The following TRAPPC11 variants were observed in gnomAD, a reference collection of about 807,000 sequenced individuals.
TRAPPC11 encodes trafficking protein particle complex subunit 11.
In TRAPPC11, 104 loss-of-function variants were observed where a neutral mutation model predicts 151.2. The observed-to-expected ratio is 0.69, with a 90% CI of 0.59 to 0.81. The LOEUF (loss-of-function observed/expected upper bound fraction) is 0.81, where lower values mean the gene tolerates loss of function less well. TRAPPC11 is among the 30% of genes least tolerant of loss of function. The pLI, the probability that TRAPPC11 is intolerant of heterozygous loss-of-function variation, is 0.00. For missense variants in TRAPPC11, 1,230 were observed against 1,349.6 expected (o/e 0.91, Z 1.39); for synonymous variants, 456 against 472.3 (o/e 0.97, Z 0.45).
At chr4:183,709,537 AG>A (rs1737237860) in intron 29 of TRAPPC11, among the ~76,000 whole-genome samples, 1 of 152,308 alleles carries the variant, frequency 6.6e-6, no homozygotes, top group East Asian at 1.9e-4. Flanking sequence ...GCACTTTGGG[AG>A]GCCGAGGCGG....
Position 183,684,198 on chromosome 4 carries a change from G to A in TRAPPC11, c.1341G>A (p.Lys447=), listed in dbSNP as rs202220969. The part of the protein sequence containing the change: ...SNAVAQFKKY[K]CPRMKSHLMV... ...CTGTTGCACAGTTCAAGAAGTATAA[G>A]TGCCCGCGAATGAAAAGTCACCTAA... The change falls in exon 13 of 30, where the codon AAG becomes AAA. Residue 447 remains lysine, a synonymous_variant. Coordinates refer to ENST00000334690, the MANE Select transcript of TRAPPC11 (RefSeq NM_021942.6). 6.3e-5 allele frequency: 102 copies of A among 1,614,042 alleles called. No homozygotes were observed. In the Middle Eastern group the frequency reaches 2.3e-3, roughly 37 times the overall value.
chr4:183,668,072 T>C lies in TRAPPC11; in HGVS notation c.515T>C (p.Leu172Ser). ...CNACELSGKS[L>S]FVLPHTDHLV... ...GCATGTGAACTCTCAGGAAAGTCTT[T>C]GTTTGTACTGCCGCACACTGACCAC... The change falls in exon 5 of 30, where the codon TTG becomes TCG. Residue 172 changes from leucine (L) to serine (S), a missense_variant. Coordinates refer to ENST00000334690, the MANE Select transcript of TRAPPC11 (RefSeq NM_021942.6). 6.2e-7 allele frequency: 1 copy of C among 1,613,784 alleles called. No individual in the cohort carries two copies. The highest frequency in any genetic ancestry group is 2.2e-5 in the East Asian group (1 of 44,880).
intron 22 of TRAPPC11, among the ~76,000 whole-genome samples, chr4:183,694,380 G>T (rs1222142565): frequency 1.3e-5 from 2 of 152,162 alleles, no homozygotes; most frequent in African/African-American, 4.8e-5. Flanking sequence ...TCTAAAAGAT[G>T]CAGTAGTAAT....
chr4:183,711,298 T>G (rs535982725), intron 29 of TRAPPC11, among the ~76,000 whole-genome samples: 24 of 152,340 alleles, frequency 1.6e-4, no homozygotes, highest in African/African-American at 5.5e-4. Context: ...ATTTGCTTAG[T>G]TACACTGCCA....
intron 8 of TRAPPC11, 78 bp downstream of exon 8, chr4:183,677,632 T>A (rs1735480062): frequency 2.3e-6 from 2 of 858,832 alleles, no homozygotes; most frequent in Non-Finnish European, 1.9e-6. Flanking sequence ...ACATCAAAAT[T>A]AATTTCTTGC....
chr4:183,706,251 C>T (rs578061659), intron 27 of TRAPPC11, among the ~76,000 whole-genome samples: 32 of 152,318 alleles, frequency 2.1e-4, no homozygotes, highest in Admixed American at 1.2e-3. Flanking sequence ...TGGCTGGGCG[C>T]GGTGGCTCAC....
At chr4:183,708,986 A>T (rs1737211890) in intron 29 of TRAPPC11, among the ~76,000 whole-genome samples, 1 of 140,140 alleles carries the variant, frequency 7.1e-6, no homozygotes, top group Non-Finnish European at 1.5e-5. Context: ...CTATACTCTG[A>T]TTTAATGTTT....
intron 7 of TRAPPC11, among the ~76,000 whole-genome samples, 177 bp downstream of exon 7, chr4:183,675,414 A>G (rs1363058286): frequency 6.6e-6 from 1 of 152,160 alleles, no homozygotes; most frequent in Admixed American, 6.5e-5. Flanking sequence ...AAAAATTTTC[A>G]TTTTATTATT....
chr4:183,705,442 G>A (rs1479118497), intron 27 of TRAPPC11, among the ~76,000 whole-genome samples: 1 of 151,932 alleles, frequency 6.6e-6, no homozygotes, highest in Non-Finnish European at 1.5e-5. Flanking sequence ...TTATTTTGAG[G>A]ACTATACACT....
intron 5 of TRAPPC11, among the ~76,000 whole-genome samples, chr4:183,672,718 T>C (rs529361999): frequency 6.6e-6 from 1 of 152,334 alleles, no homozygotes; most frequent in Admixed American, 6.5e-5. Flanking sequence ...CTACTTACTC[T>C]CAGTCTTCTG....
Position 183,712,799 on chromosome 4 carries a change from A to G in TRAPPC11, c.*155A>G. The G allele has an allele frequency of 1.7e-6, 1 of 582,966 alleles. No homozygotes were observed. The highest frequency in any genetic ancestry group is 2.9e-6 in the Non-Finnish European group (1 of 339,438). The allele number at this position is 582,966 out of a possible 1,614,324, so 36.1% of individuals were successfully genotyped here. A position where few individuals can be genotyped will look rare whatever the true frequency, so the allele number is the denominator to read the frequency against. On this transcript the variant is annotated 3_prime_UTR_variant, in exon 30 of 30. Coordinates refer to ENST00000334690, the MANE Select transcript of TRAPPC11 (RefSeq NM_021942.6). The stretch of plus-strand genomic sequence containing the variant: ...AACTATTCAGAGGAACTCATACTTC[A>G]AAAATATTAGGAAAATCTGTCTTAT...
chr4:183,663,982 G>T lies in TRAPPC11; in HGVS notation c.115G>T (p.Ala39Ser). 6.2e-7 allele frequency: 1 copy of T among 1,614,060 alleles called. No homozygotes were observed. Among genetic ancestry groups the T allele is most frequent in the Non-Finnish European group, 8.5e-7 (1 of 1,180,028 alleles). The change falls in exon 2 of 30, where the codon GCC becomes TCC. Residue 39 changes from alanine to serine, a missense_variant. Ala to Ser is a moderately conservative substitution (Grantham distance 99). Transcript: ENST00000334690. ...TGCAGTCCATCGAGCTGTCTGGGAC[G>T]CCTTCTGTGCAAATCGGAGAGCTGA... Reference protein sequence around the residue: ...YNAVHRAVWDAFCANRRADRV... With the variant: ...YNAVHRAVWDSFCANRRADRV...
rs745942623 is a variant in TRAPPC11, at chr4:183,693,743, C to G, written c.2386+6C>G. 2 of 1,612,404 alleles carry G rather than the reference C, an allele frequency of 1.2e-6. No individual in the cohort carries two copies. Among genetic ancestry groups the G allele is most frequent in the South Asian group, 1.1e-5 (1 of 90,634 alleles). On this transcript the variant is annotated splice_donor_region_variant and intron_variant, in intron 21 of 29. Transcript: ENST00000334690. The stretch of plus-strand genomic sequence containing the variant: ...CACCGCTGGCTTAAAACCAGGTAAG[C>G]ATTCCTTTTTGTAAGTTTGATCAGT...
intron 1 of TRAPPC11, among the ~76,000 whole-genome samples, chr4:183,660,455 CTG>C (rs1734421587): frequency 6.6e-6 from 1 of 152,156 alleles, no homozygotes; most frequent in Admixed American, 6.5e-5. Flanking sequence ...TTTGGACATA[CTG>C]TACTGCGTTA....
At chr4:183,674,341 C>T (rs1735301347) in intron 5 of TRAPPC11, among the ~76,000 whole-genome samples, 1 of 148,132 alleles carries the variant, frequency 6.8e-6, no homozygotes, top group Admixed American at 6.9e-5. Context: ...TCGCTTGAAC[C>T]AGGGAAGTGG....
chr4:183,688,019 CACTT>C (rs1205575633), intron 18 of TRAPPC11, among the ~76,000 whole-genome samples: 1 of 152,150 alleles, frequency 6.6e-6, no homozygotes, highest in African/African-American at 2.4e-5. Flanking sequence ...ATTATAAACT[CACTT>C]AGTAGATAAT....
At chr4:183,703,376 C>T (rs747307014) in intron 26 of TRAPPC11, among the ~76,000 whole-genome samples, 1 of 152,264 alleles carries the variant, frequency 6.6e-6, no homozygotes, top group South Asian at 2.1e-4. Context: ...ATAAACTTGT[C>T]TTTCTTTTCC....
chr4:183,665,243 C>T (rs190213567), intron 2 of TRAPPC11, among the ~76,000 whole-genome samples: 2,494 of 151,890 alleles, frequency 0.016, 27 homozygotes, highest in Middle Eastern at 0.089. Flanking sequence ...TACAGGCGCC[C>T]GCCACCACGT....
chr4:183,691,455 TG>T lies in TRAPPC11; in HGVS notation c.2036del (p.Gly679GlufsTer23). The stretch of plus-strand genomic sequence containing the variant: ...AAGTTTGTTGCAAAAACTGAAGATG[TG>T]GGAAAGAAAATTGAGGTTAGTTATG... ...LFKFVAKTEDVGKKIEITSVD... is the reference protein window; with the variant it reads ...LFKFVAKTEDXGKKIEITSVD... On this transcript the variant is annotated frameshift_variant, in exon 19 of 30. Transcript: ENST00000334690. LOFTEE classifies it high-confidence loss of function. The T allele has an allele frequency of 6.7e-7, 1 of 1,503,002 alleles. No individual in the cohort carries two copies. Among genetic ancestry groups the T allele is most frequent in the Non-Finnish European group, 9.0e-7 (1 of 1,110,856 alleles). 93.1% of individuals were successfully genotyped at this position (1,503,002 alleles called of 1,614,324 possible).
Sources: allele counts gnomAD v4.1 joint callset (sites outside exome capture counted in the v4.1 genomes callset), GRCh38; gene constraint gnomAD v4.1.1; transcripts MANE v1.5; gene names NCBI Gene and HGNC (gene_info 2026-07-23, HGNC 2026-07-21).